PDCD6: variants seen among roughly 807,000 people sequenced by gnomAD.
The protein encoded by PDCD6 is programmed cell death protein 6.
PDCD6 carries 12 observed loss-of-function variants against 28.3 expected under a neutral mutation model. The ratio of observed to expected loss-of-function variants is 0.42; its 90% CI spans 0.27 to 0.69. The LOEUF (loss-of-function observed/expected upper bound fraction) is 0.69, where lower values mean the gene tolerates loss of function less well. PDCD6 is among the 30% of genes least tolerant of loss of function. The pLI is 0.22. For missense variants in PDCD6, 226 were observed against 269.9 expected (o/e 0.84, Z 1.14); for synonymous variants, 92 against 108.0 (o/e 0.85, Z 0.92).
chr5:306,527 G>C (rs1740497883), intron 3 of PDCD6, 75 bp from the exon 4 acceptor site: 1 of 1,534,464 alleles, frequency 6.5e-7, no homozygotes, highest in Admixed American at 1.7e-5. Flanking sequence ...TCTGAGGGCT[G>C]AGGTCTGGTG....
chr5:311,981 G>A (rs78355982), intron 5 of PDCD6: 1,703 of 154,142 alleles, frequency 0.011, 23 homozygotes, highest in African/African-American at 0.038. Context: ...CACCATGCCT[G>A]GCCAACTATG....
At chr5:302,195 G>C (rs1373445341) in intron 2 of PDCD6, among the ~76,000 whole-genome samples, 3 of 134,744 alleles carry the variant, frequency 2.2e-5, no homozygotes, top group Non-Finnish European at 4.8e-5. Flanking sequence ...GTGCTGCTGT[G>C]TGTGTGTGTG....
intron 5 of PDCD6, among the ~76,000 whole-genome samples, 173 bp from the exon 6 acceptor site, chr5:314,244 C>G (rs575174363): frequency 6.6e-6 from 1 of 152,278 alleles, no homozygotes; most frequent in East Asian, 1.9e-4. Flanking sequence ...TCTTCGCACT[C>G]CCACCGTCCG....
intron 2 of PDCD6, among the ~76,000 whole-genome samples, chr5:302,872 T>C (rs1444842221): frequency 4.0e-5 from 6 of 150,850 alleles, no homozygotes; most frequent in East Asian, 2.0e-4. Context: ...GGGCGGATCA[T>C]TGAGTGCTGC....
chr5:307,272 ACG>A lies in PDCD6; in HGVS notation c.367+513_367+514del, dbSNP rs1740576477. ...GTGTGTGCTCGGCGTGTGTGTGCAC[ACG>A]TGTGCCGTGCGCCTCAGAAGGGGCG... On this transcript the variant is annotated intron_variant, in intron 4 of 5. Coordinates refer to ENST00000264933, the MANE Select transcript of PDCD6 (RefSeq NM_013232.4). This position sits in a 1 kb window ranked among gnomAD's most constrained non-coding sequence, Gnocchi z 6.1. Among the ~76,000 whole-genome samples the A allele has an allele frequency of 1.0e-5, 1 of 96,552 alleles. No homozygotes were observed. Among genetic ancestry groups the A allele is most frequent in the Non-Finnish European group, 1.9e-5 (1 of 52,730 alleles). 63.3% of individuals were successfully genotyped at this position (96,552 alleles called of 152,430 possible).
chr5:296,595 AAC>A (rs891757474), intron 2 of PDCD6, among the ~76,000 whole-genome samples: 3 of 152,186 alleles, frequency 2.0e-5, no homozygotes, highest in African/African-American at 4.8e-5. Context: ...AAGCAGCAAA[AAC>A]ACACGCTGCT....
At chr5:295,755 G>T (rs1739572283) in intron 2 of PDCD6, among the ~76,000 whole-genome samples, 2 of 147,102 alleles carry the variant, frequency 1.4e-5, no homozygotes, top group Non-Finnish European at 3.0e-5. Flanking sequence ...GAATGCAGGG[G>T]TTTGTTCCAG....
intron 2 of PDCD6, among the ~76,000 whole-genome samples, chr5:301,399 T>C (rs1740038589): frequency 1.3e-5 from 2 of 152,226 alleles, no homozygotes; most frequent in Admixed American, 1.3e-4. Context: ...AGTTTTCCTC[T>C]TTCTTTGCCT....
At chr5:301,958 G>A (rs1740084983) in intron 2 of PDCD6, among the ~76,000 whole-genome samples, 1 of 150,022 alleles carries the variant, frequency 6.7e-6, no homozygotes, top group Non-Finnish European at 1.5e-5. Flanking sequence ...CTGGAGGGCG[G>A]GTCATCGAGT....
At chr5:294,298 A>C (rs1739467258) in intron 2 of PDCD6, among the ~76,000 whole-genome samples, 1 of 144,846 alleles carries the variant, frequency 6.9e-6, no homozygotes, top group Admixed American at 6.7e-5. Flanking sequence ...TGTGAATCAC[A>C]CGTCTCACAA....
In PDCD6 at chr5:305,196, C is replaced by T. The variant is rs1740393037; in HGVS notation, c.208+975C>T. 6.6e-6 allele frequency: 1 copy of T among 152,354 alleles called. No homozygotes were observed. Among genetic ancestry groups the T allele is most frequent in the African/African-American group, 2.4e-5 (1 of 41,454 alleles). 9.4% of individuals were successfully genotyped at this position (152,354 alleles called of 1,614,324 possible). A position where few individuals can be genotyped will look rare whatever the true frequency, so the allele number is the denominator to read the frequency against. ...CTTTGCTGGGAGGTGCAGCCCCCTT[C>T]AGACCTCTTTAATATGGAATCCCAG... On this transcript the variant is annotated intron_variant, in intron 3 of 5. Coordinates refer to ENST00000264933, the MANE Select transcript of PDCD6 (RefSeq NM_013232.4). This position sits in a 1 kb window ranked among gnomAD's most constrained non-coding sequence, Gnocchi z 4.0.
At chr5:281,954 T>C (rs1448263803) in intron 2 of PDCD6, among the ~76,000 whole-genome samples, 2 of 150,692 alleles carry the variant, frequency 1.3e-5, no homozygotes, top group African/African-American at 4.9e-5. Flanking sequence ...GGGGAGGAGC[T>C]GATCTTCTAG....
At chr5:308,155 G>T (rs897362506) in intron 4 of PDCD6, 1 of 152,242 alleles carries the variant, frequency 6.6e-6, no homozygotes, top group African/African-American at 2.4e-5. Flanking sequence ...TTCAGGACCG[G>T]CCTGAAGTTA....
At chr5:302,418 G>T (rs1441757326) in intron 2 of PDCD6, among the ~76,000 whole-genome samples, 1 of 106,486 alleles carries the variant, frequency 9.4e-6, no homozygotes, top group Non-Finnish European at 1.7e-5. Context: ...TCAGGTTCAG[G>T]TGCACCTGCC....
At chr5:280,946 G>A (rs1738526130) in intron 2 of PDCD6, among the ~76,000 whole-genome samples, 1 of 152,252 alleles carries the variant, frequency 6.6e-6, no homozygotes, top group Admixed American at 6.5e-5. Context: ...AAGGAGGGGA[G>A]TAACAGTTGG....
At chr5:292,765 G>T (rs1006839308) in intron 2 of PDCD6, among the ~76,000 whole-genome samples, 42 of 152,306 alleles carry the variant, frequency 2.8e-4, no homozygotes, top group African/African-American at 1.0e-3. Flanking sequence ...TGAGGACTTG[G>T]CTCCGTCTCT....
At chr5:308,459 G>C (rs1000043292) in intron 4 of PDCD6, 2 of 152,192 alleles carry the variant, frequency 1.3e-5, no homozygotes, top group African/African-American at 4.8e-5. Context: ...CTGACTTCCA[G>C]GTTTTTCCTG....
At chr5:297,549 G>C (rs1370261072) in intron 2 of PDCD6, among the ~76,000 whole-genome samples, 2 of 152,206 alleles carry the variant, frequency 1.3e-5, no homozygotes, top group Admixed American at 1.3e-4. Context: ...ACTTTGGTGA[G>C]ACTTGACCTG....
At chr5:279,476 C>G (rs200607478) in intron 2 of PDCD6, among the ~76,000 whole-genome samples, 1 of 152,098 alleles carries the variant, frequency 6.6e-6, no homozygotes, top group East Asian at 1.9e-4. Context: ...AGCCTAGAGT[C>G]AAGGCCAGAC....
Sources: gnomAD v4.1 joint callset for allele counts (sites outside exome capture counted in the v4.1 genomes callset) on GRCh38, gnomAD v4.1.1 for gene constraint, Gnocchi (gnomAD v3.1) non-coding constraint, MANE v1.5 for transcripts, NCBI Gene and HGNC (gene_info 2026-07-23, HGNC 2026-07-21) for gene names.